FBXW2: variants seen among roughly 807,000 people sequenced by gnomAD.
FBXW2 encodes the protein F-box/WD repeat-containing protein 2.
Under a neutral mutation model 46.0 loss-of-function variants are expected in FBXW2, and 12 were observed. The ratio of observed to expected loss-of-function variants is 0.26; its 90% CI spans 0.17 to 0.42. The LOEUF is 0.42. Ranked by LOEUF, FBXW2 falls within the 10% of genes least tolerant of loss-of-function variation. The pLI is 1.00. For missense variants in FBXW2, 360 were observed against 537.0 expected (o/e 0.67, Z 3.26); for synonymous variants, 203 against 209.6 (o/e 0.97, Z 0.27).
At position 120,787,778 on chromosome 9, in the gene FBXW2, G is replaced by C; in HGVS notation, c.481C>G (p.Leu161Val). The change falls in exon 3 of 8, where the codon CTC becomes GTC. Residue 161 changes from leucine to valine, a missense_variant. Physicochemically the swap from Leu to Val is conservative, Grantham distance 32 (BLOSUM62 1). Transcript: ENST00000608872. ...TTTCAACATCTCTTACCTGTACAGA[G>C]AAGTCCATCTTTGTAGTAAAGTGCA... is the stretch of plus-strand genomic sequence containing the variant. ...VYALYYKDGL[L>V]CTGSDDLSAK... The C allele has an allele frequency of 6.2e-7, 1 of 1,613,168 alleles. No individual in the cohort carries two copies. Among genetic ancestry groups the C allele is most frequent in the Non-Finnish European group, 8.5e-7 (1 of 1,179,652 alleles).
chr9:120,766,770 A>G (rs2044283638), intron 7 of FBXW2, among the ~76,000 whole-genome samples: 1 of 152,142 alleles, frequency 6.6e-6, no homozygotes, highest in Non-Finnish European at 1.5e-5. Context: ...TGTTATCTCA[A>G]TCCTCATAAT....
rs374657412 is a variant in FBXW2 at position 120,778,412 on chromosome 9, C to T, written c.624G>A (p.Val208=). The change falls in exon 4 of 8, where the codon GTG becomes GTA. Residue 208 remains valine (V), a synonymous_variant. Coordinates refer to ENST00000608872, the MANE Select transcript of FBXW2 (RefSeq NM_012164.4). ...CTCCGGAACTCCATTCCCAGCAAGC[C>T]ACAGTGTTGTCAAAGGAGCCTGTCA... ...KLVTGSFDNT[V]ACWEWSSGAR... is the part of the protein sequence containing the mutation. 3.6e-5 allele frequency: 58 copies of T among 1,613,992 alleles called. No individual in the cohort carries two copies. Among genetic ancestry groups the T allele is most frequent in the Non-Finnish European group, 4.8e-5 (57 of 1,180,040 alleles).
At chr9:120,765,343 C>T (rs2044256998) in intron 7 of FBXW2, among the ~76,000 whole-genome samples, 1 of 152,200 alleles carries the variant, frequency 6.6e-6, no homozygotes, top group African/African-American at 2.4e-5. Flanking sequence ...GATCTGCCCA[C>T]CTCGGCCTCC....
rs1216161065 is a variant in FBXW2, at chr9:120,771,637, G to A, written c.907-120C>T. 6.4e-6 allele frequency: 5 copies of A among 783,512 alleles called. No individual in the cohort carries two copies. The East Asian group carries it at 1.1e-4, about 17-fold the overall frequency. The allele number at this position is 783,512 out of a possible 1,614,324, so 48.5% of individuals were successfully genotyped here. ...AGTGAAGTATACTGGAAAGACCCCA[G>A]GTTTTATAGCCAAGAATCACAGGTT... is the stretch of plus-strand genomic sequence containing the variant. On this transcript the variant is annotated intron_variant, in intron 6 of 7. Transcript: ENST00000608872.
At chr9:120,786,201 A>G (rs1238651271) in intron 3 of FBXW2, among the ~76,000 whole-genome samples, 1 of 152,204 alleles carries the variant, frequency 6.6e-6, no homozygotes, top group Non-Finnish European at 1.5e-5. Flanking sequence ...GTCCTCACCC[A>G]AACCTCATCC....
chr9:120,770,245 G>A (rs562998494), intron 7 of FBXW2, among the ~76,000 whole-genome samples: 15 of 152,126 alleles, frequency 9.9e-5, no homozygotes, highest in African/African-American at 1.7e-4. Context: ...GCATGGTGGC[G>A]GGCGCCTGTA....
At position 120,789,189 on chromosome 9, in the gene FBXW2, G is replaced by T. The variant is rs182198804; in HGVS notation, c.-20-911C>A. Among the ~76,000 whole-genome samples, 121 of 152,272 alleles carry T rather than the reference G, an allele frequency of 7.9e-4. 1 individual carries two copies. Among genetic ancestry groups the T allele is most frequent in the African/African-American group, 2.8e-3 (115 of 41,546 alleles). ...CCTATATTCACAGGGCTACTAAATAGCCACAGAACAGACTGGACGCCAGTG... is the reference window on the plus strand; with the variant it reads ...CCTATATTCACAGGGCTACTAAATATCCACAGAACAGACTGGACGCCAGTG... On this transcript the variant is annotated intron_variant, in intron 2 of 7. Transcript: ENST00000608872.
At chr9:120,782,881 A>T (rs1041563369) in intron 3 of FBXW2, among the ~76,000 whole-genome samples, 1 of 152,114 alleles carries the variant, frequency 6.6e-6, no homozygotes, top group Non-Finnish European at 1.5e-5. Context: ...ACAAACAAAA[A>T]AATTGGATAC....
intron 4 of FBXW2, among the ~76,000 whole-genome samples, chr9:120,777,583 C>A (rs903254109): frequency 3.3e-5 from 5 of 152,098 alleles, no homozygotes; most frequent in African/African-American, 1.2e-4. Context: ...TGCTCATAAA[C>A]GTAATGCTTG....
chr9:120,782,458 C>G (rs2044636422), intron 3 of FBXW2, among the ~76,000 whole-genome samples: 1 of 149,702 alleles, frequency 6.7e-6, no homozygotes, highest in East Asian at 1.9e-4. Flanking sequence ...AATTGAGACT[C>G]TGTCTCAAAA....
At chr9:120,779,306 A>G (rs974965922) in intron 3 of FBXW2, among the ~76,000 whole-genome samples, 4 of 152,226 alleles carry the variant, frequency 2.6e-5, no homozygotes, top group Non-Finnish European at 5.9e-5. Context: ...TGACCCTTCA[A>G]TAAGCCTCAA....
chr9:120,771,326 G>T, intron 7 of FBXW2, 22 bp downstream of exon 7: 1 of 1,594,738 alleles, frequency 6.3e-7, no homozygotes, highest in Non-Finnish European at 8.5e-7. Context: ...AAGGTAAAGC[G>T]TGAGGTCGAA....
Position 120,757,886 on chromosome 9 carries a change from G to A in FBXW2, c.*6673C>T, listed in dbSNP as rs1052236938. On this transcript the variant is annotated 3_prime_UTR_variant, in exon 8 of 8. Coordinates refer to ENST00000608872, the MANE Select transcript of FBXW2 (RefSeq NM_012164.4). Reference sequence around the variant, plus strand: ...GGCAGAAGAGGGACGTCTAAGAGAGGAAAAGCTGTGTGGAATTGATCTTTC... The same window carrying A: ...GGCAGAAGAGGGACGTCTAAGAGAGAAAAAGCTGTGTGGAATTGATCTTTC... The A allele has an allele frequency of 6.6e-6, 1 of 152,200 alleles. No homozygotes were observed. Among genetic ancestry groups the A allele is most frequent in the Non-Finnish European group, 1.5e-5 (1 of 68,034 alleles). The allele number at this position is 152,200 out of a possible 1,614,324, so 9.4% of individuals were successfully genotyped here.
chr9:120,776,855 A>G (rs2044507773), intron 4 of FBXW2, among the ~76,000 whole-genome samples: 1 of 152,158 alleles, frequency 6.6e-6, no homozygotes, highest in African/African-American at 2.4e-5. Context: ...AGAGATGAAG[A>G]CACTGATTCT....
Position 120,788,290 on chromosome 9 carries a change from C to T in FBXW2, c.-20-12G>A. 1 of 1,604,268 alleles carries T rather than the reference C, an allele frequency of 6.2e-7. No individual in the cohort carries two copies. The highest frequency in any genetic ancestry group is 8.5e-7 in the Non-Finnish European group (1 of 1,178,090). Reference sequence around the variant, plus strand: ...ATGGAAAAATTTACCTGTGGCACATCAAAATATTGTATTAGTTCTGCTCAA... The same window carrying T: ...ATGGAAAAATTTACCTGTGGCACATTAAAATATTGTATTAGTTCTGCTCAA... On this transcript the variant is annotated splice_polypyrimidine_tract_variant and intron_variant, in intron 2 of 7. Coordinates refer to ENST00000608872, the MANE Select transcript of FBXW2 (RefSeq NM_012164.4).
intron 5 of FBXW2, among the ~76,000 whole-genome samples, chr9:120,773,574 G>A (rs1348386055): frequency 6.6e-6 from 1 of 152,210 alleles, no homozygotes; most frequent in Admixed American, 6.5e-5. Context: ...CATTCTGTTA[G>A]CACTTGAGAT....
chr9:120,776,080 C>T lies in FBXW2; in HGVS notation c.819+13G>A, dbSNP rs2044489137. On this transcript the variant is annotated intron_variant, in intron 5 of 7. Transcript: ENST00000608872. Reference sequence around the variant, plus strand: ...AGCCTGATAAGCAGGAGACTTCTTCCAAGTCTTCCTACCTTGGTGACCCAT... The same window carrying T: ...AGCCTGATAAGCAGGAGACTTCTTCTAAGTCTTCCTACCTTGGTGACCCAT... The T allele has an allele frequency of 1.2e-6, 2 of 1,612,708 alleles. No individual in the cohort carries two copies. Among genetic ancestry groups the T allele is most frequent in the Middle Eastern group, 1.7e-4 (1 of 6,052 alleles).
intron 3 of FBXW2, among the ~76,000 whole-genome samples, chr9:120,781,155 T>C (rs148242181): frequency 1.4e-4 from 21 of 152,270 alleles, no homozygotes; most frequent in African/African-American, 4.8e-4. Context: ...AAGGGCCTGA[T>C]AGTAAGTATT....
chr9:120,768,384 A>G (rs1324598428), intron 7 of FBXW2, among the ~76,000 whole-genome samples: 1 of 152,190 alleles, frequency 6.6e-6, no homozygotes, highest in Admixed American at 6.5e-5. Context: ...GCTGATCGGT[A>G]ATTTCCCTGA....
Sources: gnomAD v4.1 joint callset for allele counts (sites outside exome capture counted in the v4.1 genomes callset) on GRCh38, gnomAD v4.1.1 for gene constraint, MANE v1.5 for transcripts, NCBI Gene and HGNC (gene_info 2026-07-23, HGNC 2026-07-21) for gene names.